Variants in KAT6A observed in about 807,000 individuals in gnomAD.
KAT6A encodes the protein lysine acetyltransferase 6A.
In KAT6A, 9 loss-of-function variants were observed where a neutral mutation model predicts 198.4. The ratio of observed to expected loss-of-function variants is 0.05; its 90% CI spans 0.03 to 0.08. The LOEUF (loss-of-function observed/expected upper bound fraction) is 0.08, where lower values mean the gene tolerates loss of function less well. Among genes scored for constraint, KAT6A ranks in the 10% least tolerant of loss-of-function variants. The pLI is 1.00. For missense variants in KAT6A, 2,077 were observed against 2,509.9 expected, an observed-to-expected ratio of 0.83 and a Z score of 3.69; for synonymous variants, 890 against 883.0, an observed-to-expected ratio of 1.01 and a Z score of -0.14.
rs1296196032 is a variant in KAT6A at position 41,931,473 on chromosome 8, AG to A, written c.*731del. The A allele has an allele frequency of 5.3e-5, 11 of 207,424 alleles. No homozygotes were observed. Among genetic ancestry groups the A allele is most frequent in the Admixed American group, 1.8e-4 (3 of 16,842 alleles). The allele number at this position is 207,424 out of a possible 1,614,324, so 12.8% of individuals were successfully genotyped here. A position where few individuals can be genotyped will look rare whatever the true frequency, so the allele number is the denominator to read the frequency against. On this transcript the variant is annotated 3_prime_UTR_variant, in exon 17 of 17. Coordinates refer to ENST00000265713, the MANE Select transcript of KAT6A (RefSeq NM_006766.5). ...CTGAGTGGGAATATTTTAAAAAAGAAGAAAAAAATTATATTACACTTGATTC... is the reference window on the plus strand; with the variant it reads ...CTGAGTGGGAATATTTTAAAAAAGAAAAAAAAATTATATTACACTTGATTC...
At chr8:41,993,372 T>C (rs970348654) in intron 2 of KAT6A, among the ~76,000 whole-genome samples, 1 of 152,178 alleles carries the variant, frequency 6.6e-6, no homozygotes, top group Non-Finnish European at 1.5e-5. Context: ...AATATTGATA[T>C]TTACAGTGTG....
Position 41,929,983 on chromosome 8 carries a change from A to T in KAT6A, c.*2222T>A, listed in dbSNP as rs569739100. ...ATCTTGCTAAAAATACATTTTTTTT[A>T]AACAGAAGTGAAAAAATGACAGGTA... On this transcript the variant is annotated 3_prime_UTR_variant, in exon 17 of 17. Coordinates refer to ENST00000265713, the MANE Select transcript of KAT6A (RefSeq NM_006766.5). 14 of 220,030 alleles carry T rather than the reference A, an allele frequency of 6.4e-5. No individual in the cohort carries two copies. The highest frequency in any genetic ancestry group is 1.0e-4 in the Non-Finnish European group (11 of 109,740). 13.6% of individuals were successfully genotyped at this position (220,030 alleles called of 1,614,324 possible). A position where few individuals can be genotyped will look rare whatever the true frequency, so the allele number is the denominator to read the frequency against.
rs1356570821 is a variant in KAT6A, at chr8:41,930,690, G to C, written c.*1515C>G. 1 of 64,982 alleles carries C rather than the reference G, an allele frequency of 1.5e-5. No homozygotes were observed. Among genetic ancestry groups the C allele is most frequent in the Non-Finnish European group, 3.0e-5 (1 of 33,440 alleles). The allele number at this position is 64,982 out of a possible 1,614,324, so 4.0% of individuals were successfully genotyped here. A position where few individuals can be genotyped will look rare whatever the true frequency, so the allele number is the denominator to read the frequency against. On this transcript the variant is annotated 3_prime_UTR_variant, in exon 17 of 17. Transcript: ENST00000265713. ...AATATATATATATATATATGTGTGT[G>C]TGTGTGTGTGTGTGTGTGTGTATAT... is the stretch of plus-strand genomic sequence containing the variant.
intron 8 of KAT6A, among the ~76,000 whole-genome samples, chr8:41,970,110 T>C (rs1823711703): frequency 6.6e-6 from 1 of 152,136 alleles, no homozygotes; most frequent in Admixed American, 6.5e-5. Context: ...TATCTGTCTG[T>C]TTGTGAAACT....
At chr8:41,987,044 AAAC>A (rs1170950989) in intron 3 of KAT6A, among the ~76,000 whole-genome samples, 1 of 152,158 alleles carries the variant, frequency 6.6e-6, no homozygotes, top group Non-Finnish European at 1.5e-5. Flanking sequence ...TCTCAAAAAC[AAAC>A]AACAAAAAAC....
chr8:41,960,559 T>C (rs1401869331), intron 8 of KAT6A, among the ~76,000 whole-genome samples: 2 of 151,550 alleles, frequency 1.3e-5, no homozygotes, highest in African/African-American at 4.9e-5. Flanking sequence ...ATTATGTATA[T>C]TTTACCACAA....
chr8:41,991,578 T>C (rs1171647713), intron 2 of KAT6A, among the ~76,000 whole-genome samples: 1 of 152,220 alleles, frequency 6.6e-6, no homozygotes, highest in South Asian at 2.1e-4. Flanking sequence ...TGTACACTTA[T>C]AATCTGTGCA....
At chr8:42,050,486 T>C (rs773694514) in intron 1 of KAT6A, among the ~76,000 whole-genome samples, 3 of 152,182 alleles carry the variant, frequency 2.0e-5, no homozygotes, top group Non-Finnish European at 4.4e-5. Context: ...GTAGTGACAT[T>C]AAAATCAAAC....
intron 2 of KAT6A, among the ~76,000 whole-genome samples, chr8:42,031,707 G>A (rs189835811): frequency 7.9e-5 from 10 of 126,464 alleles, no homozygotes; most frequent in Admixed American, 7.3e-4. Context: ...TTGGCTCACC[G>A]CAACCTCCAC....
intron 2 of KAT6A, among the ~76,000 whole-genome samples, chr8:42,029,695 C>T (rs1390698132): frequency 4.0e-5 from 6 of 151,374 alleles, no homozygotes; most frequent in African/African-American, 7.3e-5. Context: ...TGGGTTCAAG[C>T]GATCCTCCCG....
Position 42,022,831 on chromosome 8 carries a change from T to C in KAT6A, c.600+25547A>G, listed in dbSNP as rs80020979. 5.4e-3 allele frequency among the ~76,000 whole-genome samples: 830 copies of C among 152,320 alleles called. 18 individuals are homozygous for C. Among genetic ancestry groups the C allele is most frequent in the East Asian group, 0.047 (246 of 5,182 alleles). ...GGGGCTACATATAAAAATGTATAAA[T>C]TATGATACACTCATACAATGAAACA... is the stretch of plus-strand genomic sequence containing the variant. On this transcript the variant is annotated intron_variant, in intron 2 of 16. Coordinates refer to ENST00000265713, the MANE Select transcript of KAT6A (RefSeq NM_006766.5).
chr8:42,007,145 C>T (rs1043130246), intron 2 of KAT6A, among the ~76,000 whole-genome samples: 1 of 151,828 alleles, frequency 6.6e-6, no homozygotes, highest in African/African-American at 2.4e-5. Flanking sequence ...GTGCTGAAAT[C>T]AGGAGTTATA....
intron 2 of KAT6A, among the ~76,000 whole-genome samples, chr8:41,989,610 C>T (rs1348014827): frequency 2.0e-5 from 3 of 152,194 alleles, no homozygotes; most frequent in South Asian, 2.1e-4. Context: ...ATGTAACATT[C>T]ATGTAGCAAT....
At chr8:41,984,275 G>A (rs1824497402) in intron 3 of KAT6A, among the ~76,000 whole-genome samples, 1 of 152,112 alleles carries the variant, frequency 6.6e-6, no homozygotes, top group Admixed American at 6.5e-5. Context: ...TGACTCTAAG[G>A]CCAGGTTATA....
intron 3 of KAT6A, among the ~76,000 whole-genome samples, chr8:41,985,935 T>A (rs1244124012): frequency 6.6e-6 from 1 of 151,914 alleles, no homozygotes; most frequent in African/African-American, 2.4e-5. Flanking sequence ...AAGTTTTTTT[T>A]TTGTTTGTTT....
chr8:42,005,600 A>C (rs1190455116), intron 2 of KAT6A, among the ~76,000 whole-genome samples: 1 of 152,234 alleles, frequency 6.6e-6, no homozygotes, highest in Non-Finnish European at 1.5e-5. Context: ...CAGCACATTT[A>C]TCTATGTAAT....
rs954748736 is a variant in KAT6A, at chr8:41,931,304, T to TA, written c.*900dup. On this transcript the variant is annotated 3_prime_UTR_variant, in exon 17 of 17. Transcript: ENST00000265713. ...GCGTTATGGCTGATTCACCAGGTGG[T>TA]AAAAAAACAAGAGGTTAATCTCCTC... 8 of 218,514 alleles carry TA rather than the reference T, an allele frequency of 3.7e-5. No homozygotes were observed. Among genetic ancestry groups the TA allele is most frequent in the East Asian group, 1.3e-4 (2 of 14,820 alleles). 13.5% of individuals were successfully genotyped at this position (218,514 alleles called of 1,614,324 possible).
At chr8:42,008,167 G>C (rs1320821171) in intron 2 of KAT6A, among the ~76,000 whole-genome samples, 2 of 151,974 alleles carry the variant, frequency 1.3e-5, no homozygotes, top group African/African-American at 2.4e-5. Context: ...AGCCAAGTAT[G>C]GCTGATATAT....
At chr8:41,949,505 G>A in intron 9 of KAT6A, 142 bp from the exon 10 acceptor site, 1 of 455,600 alleles carries the variant, frequency 2.2e-6, no homozygotes, top group Non-Finnish European at 3.7e-6. Context: ...ATACTGGACG[G>A]TAAAATGACA....
Sources: gnomAD v4.1 joint callset for allele counts (sites outside exome capture counted in the v4.1 genomes callset) on GRCh38, gnomAD v4.1.1 for gene constraint, MANE v1.5 for transcripts, NCBI Gene and HGNC (gene_info 2026-07-23, HGNC 2026-07-21) for gene names.